KDM4C: variants seen among roughly 807,000 people sequenced by gnomAD.
The protein encoded by KDM4C is lysine demethylase 4C.
In KDM4C, 81 loss-of-function variants were observed where a neutral mutation model predicts 129.3. The observed-to-expected ratio is 0.63, with a 90% CI of 0.52 to 0.75. The LOEUF (loss-of-function observed/expected upper bound fraction) is 0.75. KDM4C is among the 30% of genes least tolerant of loss of function. The probability of loss-of-function intolerance (pLI) is 0.00; values close to 1 mark genes in which losing one functional copy is unlikely to be tolerated. For synonymous variants in KDM4C, 573 were observed against 456.1 expected (o/e 1.26, Z -3.26); for missense variants, 1,457 against 1,304.0 (o/e 1.12, Z -1.81).
intron 15 of KDM4C, among the ~76,000 whole-genome samples, chr9:7,033,617 T>C (rs1476645661): frequency 1.3e-5 from 2 of 152,228 alleles, no homozygotes; most frequent in African/African-American, 4.8e-5. Flanking sequence ...ACAAATCATT[T>C]TTCTCTGTTC....
chr9:6,918,925 C>T (rs1023881011), intron 8 of KDM4C, among the ~76,000 whole-genome samples: 1 of 152,038 alleles, frequency 6.6e-6, no homozygotes, highest in African/African-American at 2.4e-5. Context: ...AGTCTTAGCT[C>T]ACTGCAACCT....
At chr9:6,889,893 C>T (rs957553190) in intron 7 of KDM4C, among the ~76,000 whole-genome samples, 1 of 152,192 alleles carries the variant, frequency 6.6e-6, no homozygotes, top group African/African-American at 2.4e-5. Context: ...AGGTGCCTGG[C>T]ACCCTCTTTC....
At chr9:7,017,795 C>T (rs1329424491) in intron 15 of KDM4C, among the ~76,000 whole-genome samples, 1 of 152,074 alleles carries the variant, frequency 6.6e-6, no homozygotes, top group African/African-American at 2.4e-5. Context: ...AGTTAAAAAC[C>T]TGAATGACAA....
At chr9:7,158,415 G>T (rs1369889089) in intron 19 of KDM4C, among the ~76,000 whole-genome samples, 2 of 151,368 alleles carry the variant, frequency 1.3e-5, no homozygotes, top group African/African-American at 2.4e-5. Flanking sequence ...TGCTTCTCTA[G>T]TTCTTTTAAT....
chr9:6,864,958 TTC>T (rs770346159), intron 5 of KDM4C, among the ~76,000 whole-genome samples: 5 of 151,850 alleles, frequency 3.3e-5, no homozygotes, highest in African/African-American at 7.2e-5. Flanking sequence ...GTCCCAAGAT[TTC>T]TGTTTGATTT....
rs903711717 is a variant in KDM4C, at chr9:7,024,786, A to G, written c.2259+8857A>G. Among the ~76,000 whole-genome samples, 86 of 152,174 alleles carry G rather than the reference A, an allele frequency of 5.7e-4. 1 individual carries two copies. The highest frequency in any genetic ancestry group is 1.9e-4 in the East Asian group (1 of 5,198). On this transcript the variant is annotated intron_variant, in intron 15 of 21. Coordinates refer to ENST00000381309, the MANE Select transcript of KDM4C (RefSeq NM_015061.6). ...CTTTGCTATTGTGAATAGTGCTGCA[A>G]TAAACATACGTGTGCATGTGTCTTT...
intron 7 of KDM4C, among the ~76,000 whole-genome samples, chr9:6,890,161 G>A (rs10815475): frequency 0.5 from 76,085 of 152,006 alleles, 19,180 homozygotes; most frequent in Middle Eastern, 0.63. Flanking sequence ...GGTGATGATA[G>A]CGTAACATAT....
intron 8 of KDM4C, among the ~76,000 whole-genome samples, chr9:6,899,148 C>A (rs1036445181): frequency 6.6e-6 from 1 of 151,330 alleles, no homozygotes; most frequent in Non-Finnish European, 1.5e-5. Flanking sequence ...AGTTTTGCTG[C>A]GCTCTTTTAT....
In KDM4C at chr9:7,127,943, A is replaced by ATT. The variant is rs112696565; in HGVS notation, c.2611-123_2611-122insTT. The ATT allele has an allele frequency of 8.8e-6, 8 of 909,710 alleles. No homozygotes were observed. The African/African-American group carries it at 1.0e-4, about 12-fold the overall frequency. The allele number at this position is 909,710 out of a possible 1,614,324, so 56.4% of individuals were successfully genotyped here. ...AATTATTCTTCAATATTAAGTTAAA[A>ATT]ATTTTTTTTTTAAATCTTGGCCAAA... On this transcript the variant is annotated intron_variant, in intron 18 of 21. Transcript: ENST00000381309.
chr9:7,011,135 C>G (rs1563978349), intron 12 of KDM4C, among the ~76,000 whole-genome samples: 1 of 152,148 alleles, frequency 6.6e-6, no homozygotes, highest in Non-Finnish European at 1.5e-5. Flanking sequence ...TAGGGATTTT[C>G]TTTTATATCC....
chr9:7,038,675 G>T (rs1358593919), intron 15 of KDM4C, among the ~76,000 whole-genome samples: 1 of 151,830 alleles, frequency 6.6e-6, no homozygotes, highest in Non-Finnish European at 1.5e-5. Context: ...AAATATTTAG[G>T]TTAGATTATA....
intron 2 of KDM4C, among the ~76,000 whole-genome samples, chr9:6,804,672 C>T (rs903952744): frequency 1.3e-5 from 2 of 151,026 alleles, no homozygotes; most frequent in Non-Finnish European, 2.9e-5. Context: ...GTGGGAGAAT[C>T]GCTTGAACCC....
chr9:6,871,062 C>T (rs978329750), intron 5 of KDM4C, among the ~76,000 whole-genome samples: 1 of 152,130 alleles, frequency 6.6e-6, no homozygotes, highest in Non-Finnish European at 1.5e-5. Flanking sequence ...ACCATTTGTT[C>T]CTAAACACAC....
intron 8 of KDM4C, among the ~76,000 whole-genome samples, chr9:6,908,658 C>G (rs1479694485): frequency 6.6e-6 from 1 of 150,418 alleles, no homozygotes; most frequent in East Asian, 2.0e-4. Flanking sequence ...AAAGAGGCCT[C>G]TTTTTGCTAA....
Position 7,053,656 on chromosome 9 carries a change from A to G in KDM4C, c.2424+4456A>G, listed in dbSNP as rs533604999. Among the ~76,000 whole-genome samples the G allele has an allele frequency of 5.3e-5, 8 of 152,328 alleles. No homozygotes were observed. The East Asian group carries it at 5.8e-4, about 11-fold the overall frequency. ...TTAAATACTTTAATAATTAACTTTT[A>G]AAAACCTAAAACATTTTAATGAAAA... On this transcript the variant is annotated intron_variant, in intron 17 of 21. Coordinates refer to ENST00000381309, the MANE Select transcript of KDM4C (RefSeq NM_015061.6).
At chr9:7,102,106 G>GT (rs914866691) in intron 17 of KDM4C, among the ~76,000 whole-genome samples, 1 of 152,160 alleles carries the variant, frequency 6.6e-6, no homozygotes, top group Non-Finnish European at 1.5e-5. Context: ...ATTTGTGTGT[G>GT]TATATATGTG....
chr9:6,816,990 G>T (rs1398873481), intron 4 of KDM4C, among the ~76,000 whole-genome samples: 3 of 151,730 alleles, frequency 2.0e-5, no homozygotes, highest in Non-Finnish European at 2.9e-5. Context: ...TTTCAAAGAC[G>T]ATTCTTATTT....
At chr9:7,070,667 A>G (rs1396744257) in intron 17 of KDM4C, among the ~76,000 whole-genome samples, 1 of 152,204 alleles carries the variant, frequency 6.6e-6, no homozygotes, top group Non-Finnish European at 1.5e-5. Context: ...TTGATTCCCA[A>G]TAAAAACTCA....
intron 6 of KDM4C, among the ~76,000 whole-genome samples, chr9:6,882,875 G>T (rs1236984186): frequency 6.6e-6 from 1 of 151,958 alleles, no homozygotes; most frequent in Non-Finnish European, 1.5e-5. Context: ...TAATCCTGTG[G>T]AGTAAGAGGT....
Sources: gnomAD v4.1 joint callset for allele counts (sites outside exome capture counted in the v4.1 genomes callset) on GRCh38, gnomAD v4.1.1 for gene constraint, MANE v1.5 for transcripts, NCBI Gene and HGNC (gene_info 2026-07-23, HGNC 2026-07-21) for gene names.